GLIS3: variants seen among roughly 807,000 people sequenced by gnomAD.
The protein encoded by GLIS3 is GLIS family zinc finger 3.
Under a neutral mutation model 78.6 loss-of-function variants are expected in GLIS3, and 53 were observed. The observed-to-expected ratio is 0.67, with a 90% CI of 0.54 to 0.85. The LOEUF (loss-of-function observed/expected upper bound fraction) is 0.85, where lower values mean the gene tolerates loss of function less well. GLIS3 is among the 40% of genes least tolerant of loss of function. GLIS3 has a pLI of 0.00. For synonymous variants in GLIS3, 684 were observed against 509.9 expected (o/e 1.34, Z -4.60); for missense variants, 1,703 against 1,231.1 (o/e 1.38, Z -5.74).
chr9:4,278,632 C>G (rs1247940106), intron 2 of GLIS3, among the ~76,000 whole-genome samples: 3 of 152,092 alleles, frequency 2.0e-5, no homozygotes, highest in Non-Finnish European at 1.5e-5. Context: ...ATAAACATAG[C>G]AGGAATAAAA....
At chr9:4,216,975 G>T (rs1379544790) in intron 2 of GLIS3, among the ~76,000 whole-genome samples, 2 of 152,200 alleles carry the variant, frequency 1.3e-5, no homozygotes, top group Non-Finnish European at 2.9e-5. Context: ...AACATTCAAA[G>T]GAGAATGGAG....
intron 5 of GLIS3, among the ~76,000 whole-genome samples, 170 bp from the exon 6 acceptor site, chr9:3,932,640 C>G (rs112461186): frequency 3.1e-4 from 47 of 152,290 alleles, no homozygotes; most frequent in African/African-American, 1.1e-3. Context: ...AACTTTGTAT[C>G]ATGGTTAAGA....
At chr9:4,023,219 T>C (rs565106260) in intron 4 of GLIS3, among the ~76,000 whole-genome samples, 1 of 152,224 alleles carries the variant, frequency 6.6e-6, no homozygotes, top group Non-Finnish European at 1.5e-5. Context: ...GTTTGAGCTA[T>C]CTGCATTATC....
At chr9:4,139,802 T>C (rs1364267776) in intron 2 of GLIS3, among the ~76,000 whole-genome samples, 1 of 152,162 alleles carries the variant, frequency 6.6e-6, no homozygotes, top group Non-Finnish European at 1.5e-5. Context: ...TTTCTGCCTC[T>C]ATGAGAATCT....
At chr9:4,319,016 T>A (rs1160508085) in intron 2 of GLIS3, among the ~76,000 whole-genome samples, 1 of 152,152 alleles carries the variant, frequency 6.6e-6, no homozygotes, top group Non-Finnish European at 1.5e-5. Context: ...AGCACTCAAT[T>A]GGAGGGGCAT....
Position 4,259,155 on chromosome 9 carries a change from C to T in GLIS3, c.388+26883G>A, listed in dbSNP as rs188612855. On this transcript the variant is annotated intron_variant, in intron 2 of 10. Coordinates refer to ENST00000381971, the MANE Select transcript of GLIS3 (RefSeq NM_001042413.2). ...TTGCAAGATGAACATTTTTAGTATT[C>T]TGCAAGACTCAGAAACCTAGAAACT... Among the ~76,000 whole-genome samples, 6 of 152,250 alleles carry T rather than the reference C, an allele frequency of 3.9e-5. No individual in the cohort carries two copies. In the East Asian group the frequency reaches 1.2e-3, roughly 29 times the overall value.
intron 4 of GLIS3, among the ~76,000 whole-genome samples, chr9:3,986,397 T>C (rs1201579546): frequency 6.6e-6 from 1 of 152,188 alleles, no homozygotes; most frequent in Admixed American, 6.5e-5. Flanking sequence ...ATTCACAGAA[T>C]TCCACTCCCT....
At chr9:3,904,484 A>G (rs907681713) in intron 6 of GLIS3, among the ~76,000 whole-genome samples, 1 of 152,194 alleles carries the variant, frequency 6.6e-6, no homozygotes, top group Non-Finnish European at 1.5e-5. Flanking sequence ...TCCTACACAC[A>G]TAATATATAG....
At chr9:4,413,330 G>A in the GLIS3 span, among the ~76,000 whole-genome samples, 2 of 152,160 alleles carry the variant, frequency 1.3e-5, no homozygotes, top group South Asian at 2.1e-4. Context: ...TAATATGACT[G>A]TAAGAAGTGT....
intron 2 of GLIS3, among the ~76,000 whole-genome samples, chr9:4,283,167 G>A (rs1446879449): frequency 4.0e-5 from 6 of 151,872 alleles, no homozygotes; most frequent in African/African-American, 7.3e-5. Flanking sequence ...TACCTTCCAA[G>A]TATCTGCCTA....
At chr9:3,918,011 G>A (rs774653788) in intron 6 of GLIS3, among the ~76,000 whole-genome samples, 39 of 152,280 alleles carry the variant, frequency 2.6e-4, no homozygotes, top group Non-Finnish European at 4.4e-4. Context: ...GGTAAGGAAC[G>A]TCTATCAAAT....
At chr9:4,409,572 A>G in the GLIS3 span, among the ~76,000 whole-genome samples, 1 of 152,158 alleles carries the variant, frequency 6.6e-6, no homozygotes, top group Non-Finnish European at 1.5e-5. Flanking sequence ...AACATACACA[A>G]TGAGAATGAT....
the GLIS3 span, among the ~76,000 whole-genome samples, chr9:4,365,508 A>T: frequency 6.6e-6 from 1 of 152,130 alleles, no homozygotes; most frequent in Non-Finnish European, 1.5e-5. Flanking sequence ...GTCAGCCAAG[A>T]TCATGCCACT....
At chr9:4,400,937 C>T in the GLIS3 span, among the ~76,000 whole-genome samples, 4 of 152,216 alleles carry the variant, frequency 2.6e-5, no homozygotes, top group African/African-American at 7.2e-5. Context: ...ATGCCGTAGG[C>T]CTCGGGCTCT....
intron 4 of GLIS3, among the ~76,000 whole-genome samples, chr9:3,971,332 T>C (rs1213119232): frequency 1.3e-5 from 2 of 152,136 alleles, no homozygotes; most frequent in Non-Finnish European, 2.9e-5. Context: ...TTTAATGGTG[T>C]CACTGGCACA....
chr9:3,963,103 A>C (rs1363087112), intron 4 of GLIS3, among the ~76,000 whole-genome samples: 1 of 152,138 alleles, frequency 6.6e-6, no homozygotes, highest in African/African-American at 2.4e-5. Context: ...GGTATAAATA[A>C]GGGAGAGGTT....
intron 2 of GLIS3, among the ~76,000 whole-genome samples, chr9:4,165,500 A>G (rs904641859): frequency 2.6e-5 from 4 of 152,174 alleles, no homozygotes; most frequent in Non-Finnish European, 5.9e-5. Flanking sequence ...AAGATTTTCT[A>G]AGTTATTTGT....
intron 6 of GLIS3, among the ~76,000 whole-genome samples, chr9:3,915,973 TAAAAG>T (rs1210203785): frequency 6.6e-6 from 1 of 152,064 alleles, no homozygotes; most frequent in Non-Finnish European, 1.5e-5. Context: ...TTATCTGACT[TAAAAG>T]AAAGAAAATC....
At position 4,264,817 on chromosome 9, in the gene GLIS3, G is replaced by C. The variant is rs1485051062; in HGVS notation, c.388+21221C>G. ...TTCATTAGAACATAAGGTGAGTGCA[G>C]TTACTTTGCCTTACTATTCACACAG... On this transcript the variant is annotated intron_variant, in intron 2 of 10. Transcript: ENST00000381971. Among the ~76,000 whole-genome samples, 3 of 152,086 alleles carry C rather than the reference G, an allele frequency of 2.0e-5. No homozygotes were observed. In the East Asian group the frequency reaches 5.8e-4, roughly 29 times the overall value.
Sources: gnomAD v4.1 joint callset for allele counts (sites outside exome capture counted in the v4.1 genomes callset) on GRCh38, gnomAD v4.1.1 for gene constraint, MANE v1.5 for transcripts, NCBI Gene and HGNC (gene_info 2026-07-23, HGNC 2026-07-21) for gene names.